SPINK1: variants seen among roughly 807,000 people sequenced by gnomAD.
The protein encoded by SPINK1 is serine peptidase inhibitor Kazal type 1.
A neutral mutation model predicts 9.5 loss-of-function variants in SPINK1; 5 were observed. The observed-to-expected ratio is 0.52, with a 90% CI of 0.27 to 1.10. SPINK1 has a LOEUF of 1.10. SPINK1 is among the 50% of genes least tolerant of loss of function. SPINK1 has a pLI of 0.11. For missense variants in SPINK1, 88 were observed against 92.7 expected (o/e 0.95, Z 0.21); for synonymous variants, 37 against 32.3 (o/e 1.14, Z -0.49).
In SPINK1 at chr5:147,824,592, A is replaced by T; in HGVS notation, c.*69T>A. 1.4e-6 allele frequency: 2 copies of T among 1,462,532 alleles called. No individual in the cohort carries two copies. Among genetic ancestry groups the T allele is most frequent in the South Asian group, 2.3e-5 (2 of 87,302 alleles). The allele number at this position is 1,462,532 out of a possible 1,614,324, so 90.6% of individuals were successfully genotyped here. ...AATGGAAACAACAGGGGATATTCAG[A>T]TACATTTATTCAACAATAAGGCCAG... is the stretch of plus-strand genomic sequence containing the variant. On this transcript the variant is annotated 3_prime_UTR_variant, in exon 4 of 4. Coordinates refer to ENST00000296695, the MANE Select transcript of SPINK1 (RefSeq NM_001379610.1).
intron 1 of SPINK1, among the ~76,000 whole-genome samples, chr5:147,830,005 C>G (rs1756481489): frequency 6.6e-6 from 1 of 152,148 alleles, no homozygotes; most frequent in Non-Finnish European, 1.5e-5. Flanking sequence ...GATCTTTAAT[C>G]TCACAATTAG....
chr5:147,836,746 G>A, the SPINK1 span, among the ~76,000 whole-genome samples: 4 of 152,146 alleles, frequency 2.6e-5, no homozygotes, highest in Admixed American at 2.6e-4. Flanking sequence ...TTCCCGCCAA[G>A]CAGTAGCCAA....
At chr5:147,832,444 A>T (rs531599228), upstream of SPINK1, among the ~76,000 whole-genome samples, 1 of 152,296 alleles carries the variant, frequency 6.6e-6, no homozygotes, top group South Asian at 2.1e-4. Flanking sequence ...AAGGGTGTTT[A>T]TATAACAAAC....
chr5:147,837,040 G>A, the SPINK1 span, among the ~76,000 whole-genome samples: 901 of 152,258 alleles, frequency 5.9e-3, 3 homozygotes, highest in Non-Finnish European at 0.01. Context: ...TCAAACCTAT[G>A]TGTAACTTTG....
the SPINK1 span, among the ~76,000 whole-genome samples, chr5:147,837,647 T>TC: frequency 3.4e-3 from 516 of 150,934 alleles, 6 homozygotes; most frequent in African/African-American, 0.012. Context: ...TACATTAACT[T>TC]CTTTTCTTTC....
chr5:147,838,532 A>G, the SPINK1 span, among the ~76,000 whole-genome samples: 12 of 152,122 alleles, frequency 7.9e-5, no homozygotes, highest in Non-Finnish European at 1.6e-4. Context: ...ACTTTTCTAG[A>G]TGTGTTGTAT....
chr5:147,829,870 T>C (rs1264380136), intron 1 of SPINK1, among the ~76,000 whole-genome samples: 2 of 152,224 alleles, frequency 1.3e-5, no homozygotes, highest in Non-Finnish European at 2.9e-5. Flanking sequence ...TATCTCGATT[T>C]GATGTTTTAG....
At chr5:147,828,214 T>C (rs1756446979) in intron 2 of SPINK1, 86 bp from the exon 3 acceptor site, 1 of 1,022,194 alleles carries the variant, frequency 9.8e-7, no homozygotes, top group African/African-American at 1.6e-5. Flanking sequence ...TTTATTTCTC[T>C]GGGGAATAAC....
upstream of SPINK1, among the ~76,000 whole-genome samples, chr5:147,836,655 C>T (rs1274269219): frequency 3.3e-5 from 5 of 151,792 alleles, no homozygotes; most frequent in Non-Finnish European, 4.4e-5. Context: ...CAAAGAATTG[C>T]ATCACACACT....
At chr5:147,831,766 C>A, upstream of SPINK1, 1 of 1,443,890 alleles carries the variant, frequency 6.9e-7, no homozygotes, top group Non-Finnish European at 9.1e-7. Flanking sequence ...CTGGGAATGT[C>A]ACCTGTGTAA....
At chr5:147,839,142 CAGA>C in the SPINK1 span, among the ~76,000 whole-genome samples, 3 of 152,310 alleles carry the variant, frequency 2.0e-5, no homozygotes, top group South Asian at 6.2e-4. Flanking sequence ...ACAATCATGG[CAGA>C]AGGAGAAGCA....
chr5:147,836,558 C>A (rs939835562), upstream of SPINK1, among the ~76,000 whole-genome samples: 1 of 152,102 alleles, frequency 6.6e-6, no homozygotes, highest in African/African-American at 2.4e-5. Flanking sequence ...CAGTCAAGTA[C>A]ACTGTTAGAT....
intron 3 of SPINK1, among the ~76,000 whole-genome samples, chr5:147,825,630 C>T (rs1405124368): frequency 4.0e-5 from 6 of 151,816 alleles, no homozygotes; most frequent in African/African-American, 1.2e-4. Context: ...TTAGTAGAGA[C>T]GGGGTTTTAC....
At position 147,824,650 on chromosome 5, in the gene SPINK1, A is replaced by C. The variant is rs746943373; in HGVS notation, c.*11T>G. ...TCGCGGTGACCTGATGGGATTTCAA[A>C]ACCTTGGTTCTCAGCAAGGCCCAGA... is the stretch of plus-strand genomic sequence containing the variant. On this transcript the variant is annotated 3_prime_UTR_variant, in exon 4 of 4. Transcript: ENST00000296695. The C allele has an allele frequency of 6.2e-7, 1 of 1,613,998 alleles. No homozygotes were observed. The highest frequency in any genetic ancestry group is 2.2e-5 in the East Asian group (1 of 44,850).
upstream of SPINK1, among the ~76,000 whole-genome samples, chr5:147,836,391 T>A (rs1285825271): frequency 6.6e-6 from 1 of 151,980 alleles, no homozygotes; most frequent in African/African-American, 2.4e-5. Flanking sequence ...GGATTCTTAA[T>A]TTAATACTGC....
At chr5:147,836,902 G>A in the SPINK1 span, among the ~76,000 whole-genome samples, 1 of 152,088 alleles carries the variant, frequency 6.6e-6, no homozygotes, top group African/African-American at 2.4e-5. Context: ...TTCTTTTCAG[G>A]ATATTTTCCC....
At chr5:147,832,167 A>G (rs933859207), upstream of SPINK1, among the ~76,000 whole-genome samples, 5 of 152,158 alleles carry the variant, frequency 3.3e-5, no homozygotes, top group Admixed American at 3.3e-4. Flanking sequence ...GAGAGGACTC[A>G]GTTCCCTAAA....
the SPINK1 span, among the ~76,000 whole-genome samples, chr5:147,837,154 A>G: frequency 6.6e-6 from 1 of 152,134 alleles, no homozygotes; most frequent in African/African-American, 2.4e-5. Context: ...AAATTTTTGA[A>G]AAGTTATATG....
Position 147,831,564 on chromosome 5 carries a change from C to T in SPINK1, c.14G>A (p.Gly5Asp), listed in dbSNP as rs759869911. The change falls in exon 1 of 4, where the codon GGC (glycine) becomes GAC (aspartate). Residue 5 changes from glycine (G) to aspartate (D), a missense_variant. Coordinates refer to ENST00000296695, the MANE Select transcript of SPINK1 (RefSeq NM_001379610.1). Reference sequence around the variant, plus strand: ...GGCCAAGGCACTGAGAAGAAAGATGCCTGTTACCTTCATGGCTGAAGTTCT... The same window carrying T: ...GGCCAAGGCACTGAGAAGAAAGATGTCTGTTACCTTCATGGCTGAAGTTCT... MKVT[G>D]IFLLSALALL... is the part of the protein sequence containing the mutation. 2.5e-6 allele frequency: 4 copies of T among 1,613,618 alleles called. No individual in the cohort carries two copies. The highest frequency in any genetic ancestry group is 2.7e-5 in the African/African-American group (2 of 75,030).
Sources: allele counts gnomAD v4.1 joint callset (sites outside exome capture counted in the v4.1 genomes callset), GRCh38; gene constraint gnomAD v4.1.1; transcripts MANE v1.5; gene names NCBI Gene and HGNC (gene_info 2026-07-23, HGNC 2026-07-21).